Variants in TDRD10 observed in about 807,000 individuals in gnomAD.
TDRD10 encodes tudor domain-containing protein 10.
TDRD10 carries 40 observed loss-of-function variants against 48.0 expected under a neutral mutation model. The observed-to-expected ratio is 0.83, with a 90% CI of 0.65 to 1.09. The LOEUF is 1.09. TDRD10 is among the 50% of genes least tolerant of loss of function. The probability of loss-of-function intolerance (pLI) is 0.00; values close to 1 mark genes in which losing one functional copy is unlikely to be tolerated. For missense variants in TDRD10, 378 were observed against 434.7 expected (o/e 0.87, Z 1.16); for synonymous variants, 162 against 170.4 (o/e 0.95, Z 0.38).
intron 6 of TDRD10, among the ~76,000 whole-genome samples, chr1:154,538,198 T>G (rs1695024251): frequency 6.6e-6 from 1 of 152,228 alleles, no homozygotes; most frequent in Non-Finnish European, 1.5e-5. Context: ...GTATTAATAA[T>G]CATTTTTAGC....
intron 6 of TDRD10, among the ~76,000 whole-genome samples, chr1:154,525,895 CAAAAAAAAAAAAA>C (rs59844127): frequency 1.9e-5 from 1 of 52,974 alleles, no homozygotes; most frequent in East Asian, 5.9e-4. Context: ...GATTCCGTCT[CAAAAAAAAAAAAA>C]AAAAAAAAAA....
chr1:154,516,077 C>T (rs1693749171), intron 4 of TDRD10, among the ~76,000 whole-genome samples: 1 of 152,224 alleles, frequency 6.6e-6, no homozygotes, highest in South Asian at 2.1e-4. Flanking sequence ...CCCAGCAGGG[C>T]TCTGCTTTCT....
rs957045494 is a variant in TDRD10 at position 154,544,042 on chromosome 1, G to A, written c.583G>A (p.Glu195Lys). 4 of 1,614,214 alleles carry A rather than the reference G, an allele frequency of 2.5e-6. No individual in the cohort carries two copies. In the East Asian group the frequency reaches 8.9e-5, roughly 36 times the overall value. Reference protein sequence around the residue: ...WLALIHSVRGEAGLLVTSIVP... With the variant: ...WLALIHSVRGKAGLLVTSIVP... ...GGCACTCATCCATAGCGTCCGTGGG[G>A]AGGCGGGGCTGCTGGTGACGAGTAT... Residue 195 changes from glutamate to lysine, a missense_variant, in exon 9 of 13, where the codon GAG becomes AAG. Glu to Lys is a moderately conservative substitution (Grantham distance 56). Coordinates refer to ENST00000368482, the MANE Select transcript of TDRD10 (RefSeq NM_182499.4).
intron 6 of TDRD10, among the ~76,000 whole-genome samples, chr1:154,526,905 T>A (rs1273470966): frequency 6.6e-6 from 1 of 150,626 alleles, no homozygotes; most frequent in Non-Finnish European, 1.5e-5. Context: ...TTTTTTTTAT[T>A]TTTTTATTAT....
chr1:154,543,593 G>A (rs1038658703), intron 8 of TDRD10, among the ~76,000 whole-genome samples: 16 of 152,154 alleles, frequency 1.1e-4, no homozygotes, highest in African/African-American at 3.4e-4. Flanking sequence ...CTGCATGGTG[G>A]ACAGTCCACA....
At chr1:154,547,602 C>T (rs184216171) in intron 12 of TDRD10, 76 bp from the exon 13 acceptor site, 1 of 1,614,190 alleles carries the variant, frequency 6.2e-7, no homozygotes, top group East Asian at 2.2e-5. Flanking sequence ...ATCAAACGAA[C>T]TGGTTATCTG....
chr1:154,532,631 G>A (rs1230449868), intron 6 of TDRD10, among the ~76,000 whole-genome samples: 1 of 152,160 alleles, frequency 6.6e-6, no homozygotes, highest in East Asian at 1.9e-4. Context: ...GCACGCTGTC[G>A]CCTCTCATTT....
intron 6 of TDRD10, among the ~76,000 whole-genome samples, chr1:154,523,841 G>T (rs566371463): frequency 9.2e-5 from 14 of 152,258 alleles, no homozygotes; most frequent in African/African-American, 3.4e-4. Context: ...TATGTGCATG[G>T]TCACAGGCTT....
intron 4 of TDRD10, among the ~76,000 whole-genome samples, chr1:154,518,760 C>T (rs1319490991): frequency 6.6e-6 from 1 of 152,148 alleles, no homozygotes; most frequent in African/African-American, 2.4e-5. Context: ...CGTTGAAGGC[C>T]ACTGTAGCCT....
At chr1:154,521,659 G>A (rs1041703228) in intron 6 of TDRD10, among the ~76,000 whole-genome samples, 180 bp downstream of exon 6, 2 of 152,222 alleles carry the variant, frequency 1.3e-5, no homozygotes, top group Non-Finnish European at 2.9e-5. Flanking sequence ...AAGGTCAGAT[G>A]TGGAAAACTT....
chr1:154,514,878 T>TTTATTTA (rs1553195475), intron 4 of TDRD10, among the ~76,000 whole-genome samples: 60,452 of 141,812 alleles, frequency 0.43, 13,483 homozygotes, highest in East Asian at 0.7. Context: ...TTATTTATTT[T>TTTATTTA]TTTTTTTGAG....
chr1:154,503,771 T>A (rs1042176218), intron 1 of TDRD10, among the ~76,000 whole-genome samples: 2 of 152,222 alleles, frequency 1.3e-5, no homozygotes, highest in African/African-American at 4.8e-5. Flanking sequence ...GCCTCATTTG[T>A]GTGGGTGGTG....
rs1486681738 is a variant in TDRD10, at chr1:154,533,874, CAT to C, written c.370-8131_370-8130del. ...TTGCAGGGCAGCCACTGTGCCCAGC[CAT>C]ATATATATATATATATATTTTTTTT... On this transcript the variant is annotated intron_variant, in intron 6 of 12. Transcript: ENST00000368482. Among the ~76,000 whole-genome samples the C allele has an allele frequency of 9.4e-3, 1,208 of 129,068 alleles. 20 individuals are homozygous for C. Among genetic ancestry groups the C allele is most frequent in the African/African-American group, 0.031 (1,119 of 35,868 alleles). The allele number at this position is 129,068 out of a possible 152,430, so 84.7% of individuals were successfully genotyped here. A position where few individuals can be genotyped will look rare whatever the true frequency, so the allele number is the denominator to read the frequency against.
Position 154,520,380 on chromosome 1 carries a change from G to A in TDRD10, c.212+6G>A, listed in dbSNP as rs1385755870. The A allele has an allele frequency of 3.1e-6, 5 of 1,611,056 alleles. No individual in the cohort carries two copies. In the South Asian group the frequency reaches 5.5e-5, roughly 18 times the overall value. On this transcript the variant is annotated splice_donor_region_variant and intron_variant, in intron 5 of 12. Coordinates refer to ENST00000368482, the MANE Select transcript of TDRD10 (RefSeq NM_182499.4). ...ATCCAGAATGGCTGCAAATGGTAATGACTGTTCTTTCTTTGTTTTCTTTGG... is the reference window on the plus strand; with the variant it reads ...ATCCAGAATGGCTGCAAATGGTAATAACTGTTCTTTCTTTGTTTTCTTTGG...
intron 6 of TDRD10, among the ~76,000 whole-genome samples, chr1:154,537,109 G>T (rs1258795945): frequency 1.3e-5 from 2 of 152,058 alleles, no homozygotes; most frequent in Non-Finnish European, 2.9e-5. Flanking sequence ...CTTCTCCCAG[G>T]TGTCTATAGG....
intron 6 of TDRD10, among the ~76,000 whole-genome samples, chr1:154,537,714 G>T (rs150402821): frequency 1.3e-5 from 2 of 152,272 alleles, no homozygotes; most frequent in Non-Finnish European, 2.9e-5. Context: ...CTGGATGGAT[G>T]GTCCCACCTC....
chr1:154,503,115 C>T (rs1428451209), intron 1 of TDRD10, 86 bp downstream of exon 1: 1 of 152,298 alleles, frequency 6.6e-6, no homozygotes, highest in Non-Finnish European at 1.5e-5. Context: ...GAAACGCCCT[C>T]GTCCCGACTG....
chr1:154,539,846 G>A (rs1443020116), intron 6 of TDRD10, among the ~76,000 whole-genome samples: 1 of 152,242 alleles, frequency 6.6e-6, no homozygotes, highest in Non-Finnish European at 1.5e-5. Context: ...GTGATGAAGA[G>A]TGAGAGGTCA....
chr1:154,523,678 T>C (rs763134988), intron 6 of TDRD10, among the ~76,000 whole-genome samples: 4 of 152,230 alleles, frequency 2.6e-5, no homozygotes, highest in African/African-American at 4.8e-5. Flanking sequence ...AATAACTACC[T>C]TAGTTCAAAC....
Sources: gnomAD v4.1 joint callset for allele counts (sites outside exome capture counted in the v4.1 genomes callset) on GRCh38, gnomAD v4.1.1 for gene constraint, MANE v1.5 for transcripts, NCBI Gene and HGNC (gene_info 2026-07-23, HGNC 2026-07-21) for gene names.